The following YLPM1 variants were observed in gnomAD, a reference collection of about 807,000 sequenced individuals.
The protein encoded by YLPM1 is YLP motif-containing protein 1.
YLPM1 carries 99 observed loss-of-function variants against 230.0 expected under a neutral mutation model. The ratio of observed to expected loss-of-function variants is 0.43; its 90% confidence interval spans 0.37 to 0.51. The LOEUF is 0.51. Among genes scored for constraint, YLPM1 ranks in the 20% least tolerant of loss-of-function variants. YLPM1 has a pLI of 0.00. For synonymous variants in YLPM1, 984 were observed against 942.5 expected (o/e 1.04, Z -0.81); for missense variants, 2,592 against 2,707.7 (o/e 0.96, Z 0.95).
chr14:74,819,621 C>T (rs1261499806), intron 16 of YLPM1, among the ~76,000 whole-genome samples: 1 of 152,116 alleles, frequency 6.6e-6, no homozygotes, highest in African/African-American at 2.4e-5. Flanking sequence ...ATTTCTCAAC[C>T]CATTTTTTTC....
chr14:74,820,918 G>A (rs1270240153), intron 16 of YLPM1, 139 bp from the exon 17 acceptor site: 5 of 886,228 alleles, frequency 5.6e-6, no homozygotes, highest in African/African-American at 1.7e-5. Flanking sequence ...AAAATTTAGG[G>A]TGTTAAAAAT....
chr14:74,800,250 GTTAT>G (rs1475113078), intron 5 of YLPM1, among the ~76,000 whole-genome samples: 2 of 152,206 alleles, frequency 1.3e-5, no homozygotes, highest in Non-Finnish European at 2.9e-5. Context: ...CCTTGAGGAT[GTTAT>G]TTGTTTCTAC....
At position 74,764,090 on chromosome 14, in the gene YLPM1, C is replaced by G. The variant is rs1370500444; in HGVS notation, c.601C>G (p.Leu201Val). Reference sequence around the variant, plus strand: ...GCAGTCCCCACCTTCCCAATCCTACCTGGCGCCCACCCCTTCTTACTCATC... The same window carrying G: ...GCAGTCCCCACCTTCCCAATCCTACGTGGCGCCCACCCCTTCTTACTCATC... ...PSQSPPSQSY[L>V]APTPSYSSSS... Residue 201 changes from leucine to valine, a missense_variant, in exon 1 of 21, where the codon CTG becomes GTG. Physicochemically the swap from Leu to Val is conservative, Grantham distance 32. This residue lies in a region of YLPM1 where 1,862 missense variants were observed against 1,819.8 expected (regional missense o/e 1.02). Coordinates refer to ENST00000325680, the MANE Select transcript of YLPM1 (RefSeq NM_019589.3). 4 of 1,613,290 alleles carry G rather than the reference C, an allele frequency of 2.5e-6. No individual in the cohort carries two copies. The highest frequency in any genetic ancestry group is 3.4e-6 in the Non-Finnish European group (4 of 1,179,768).
chr14:74,763,821 C>A lies in YLPM1; in HGVS notation c.332C>A (p.Pro111His), dbSNP rs755872108. 6.6e-7 allele frequency: 1 copy of A among 1,512,328 alleles called. No homozygotes were observed. Among genetic ancestry groups the A allele is most frequent in the Non-Finnish European group, 8.9e-7 (1 of 1,129,750 alleles). The allele number at this position is 1,512,328 out of a possible 1,614,324, so 93.7% of individuals were successfully genotyped here. The change falls in exon 1 of 21, where the codon CCC (proline) becomes CAC (histidine). Residue 111 changes from proline (P) to histidine (H), a missense_variant. By Grantham distance (77) the Pro-to-His change is moderately conservative (BLOSUM62 -2). Around this residue, in one of 4 missense-constraint regions of YLPM1, gnomAD observed 1,862 missense variants for 1,819.8 expected, o/e 1.02. Transcript: ENST00000325680. Reference protein sequence around the residue: ...QPPPPPMPPPPGPALSYQKQQ... With the variant: ...QPPPPPMPPPHGPALSYQKQQ... ...CCACCGCCACCGATGCCCCCGCCAC[C>A]CGGGCCGGCCCTCAGCTATCAGAAG...
intron 6 of YLPM1, among the ~76,000 whole-genome samples, chr14:74,803,159 T>G (rs1169933476): frequency 6.6e-6 from 1 of 152,016 alleles, no homozygotes; most frequent in Non-Finnish European, 1.5e-5. Flanking sequence ...TCGTGATGCT[T>G]CCTACCTCTT....
At chr14:74,781,275 C>T (rs2091088938) in intron 3 of YLPM1, 59 bp from the exon 4 acceptor site, 15 of 1,443,798 alleles carry the variant, frequency 1.0e-5, no homozygotes, top group African/African-American at 1.4e-5. Flanking sequence ...AATATTTTAA[C>T]CTATGATTAA....
chr14:74,804,574 C>A (rs1379846358), intron 6 of YLPM1, among the ~76,000 whole-genome samples: 20 of 152,238 alleles, frequency 1.3e-4, no homozygotes, highest in Non-Finnish European at 4.4e-5. Flanking sequence ...TCCCCTCCTG[C>A]AACTGGCTAA....
At chr14:74,771,362 G>A (rs184635123) in intron 1 of YLPM1, among the ~76,000 whole-genome samples, 66 of 152,294 alleles carry the variant, frequency 4.3e-4, no homozygotes, top group African/African-American at 1.4e-3. Context: ...AAGAACTGAG[G>A]TTAAAGGACA....
At chr14:74,769,771 G>T (rs2140070584) in intron 1 of YLPM1, among the ~76,000 whole-genome samples, 1 of 151,484 alleles carries the variant, frequency 6.6e-6, no homozygotes, top group South Asian at 2.1e-4. Flanking sequence ...GGAGGACTGG[G>T]TGCTCACACC....
rs531606861 is a variant in YLPM1, at chr14:74,802,048, C to G, written c.4401-508C>G. On this transcript the variant is annotated intron_variant, in intron 5 of 20. Transcript: ENST00000325680. ...TGGCCAATATAGTGAAACCCCGTCT[C>G]TACTAAAAAAATACAAATAATTAGC... Among the ~76,000 whole-genome samples, 15 of 151,798 alleles carry G rather than the reference C, an allele frequency of 9.9e-5. No homozygotes were observed. The South Asian group carries it at 3.1e-3, about 32-fold the overall frequency.
intron 2 of YLPM1, 43 bp downstream of exon 2, chr14:74,778,726 CT>C: frequency 6.7e-7 from 1 of 1,487,096 alleles, no homozygotes; most frequent in Non-Finnish European, 9.0e-7. Flanking sequence ...AATTATTTAG[CT>C]TTTTTCTGAT....
chr14:74,767,930 G>A (rs1486033400), intron 1 of YLPM1, among the ~76,000 whole-genome samples: 2 of 151,864 alleles, frequency 1.3e-5, no homozygotes, highest in Admixed American at 6.6e-5. Flanking sequence ...TTGTCCCACT[G>A]TTAGTAATGC....
At position 74,781,583 on chromosome 14, in the gene YLPM1, A is replaced by G; in HGVS notation, c.1540A>G (p.Met514Val). 6.2e-7 allele frequency: 1 copy of G among 1,614,010 alleles called. No homozygotes were observed. Among genetic ancestry groups the G allele is most frequent in the Non-Finnish European group, 8.5e-7 (1 of 1,179,898 alleles). Residue 514 changes from methionine to valine, a missense_variant, in exon 4 of 21, where the codon ATG (methionine) becomes GTG (valine). Coordinates refer to ENST00000325680, the MANE Select transcript of YLPM1 (RefSeq NM_019589.3). ...QNMKNQYMGN[M>V]SMPPPFVPYS... is the part of the protein sequence containing the mutation. ...CATGAAGAACCAGTATATGGGGAAC[A>G]TGTCAATGCCACCTCCTTTTGTTCC...
In YLPM1 at chr14:74,782,113, A is replaced by G. The variant is rs1274723710; in HGVS notation, c.2070A>G (p.Gln690=). Residue 690 remains glutamine (Q), a synonymous_variant, in exon 4 of 21, where the codon CAA becomes CAG. Coordinates refer to ENST00000325680, the MANE Select transcript of YLPM1 (RefSeq NM_019589.3). ...APPTTYHPPL[Q]SAGPSEQVNS... is the part of the protein sequence containing the mutation. ...CGACAACTTACCATCCTCCGTTGCA[A>G]TCAGCTGGTCCATCAGAACAAGTGA... 1.9e-6 allele frequency: 3 copies of G among 1,613,800 alleles called. No homozygotes were observed. Among genetic ancestry groups the G allele is most frequent in the South Asian group, 2.2e-5 (2 of 91,056 alleles).
intron 18 of YLPM1, chr14:74,827,517 T>G (rs1341943736): frequency 2.0e-6 from 2 of 985,464 alleles, no homozygotes; most frequent in Non-Finnish European, 2.4e-6. Flanking sequence ...ATGTTGCAAC[T>G]GTAACTCCTG....
chr14:74,781,699 T>A lies in YLPM1; in HGVS notation c.1656T>A (p.Pro552=). 1 of 1,600,758 alleles carries A rather than the reference T, an allele frequency of 6.2e-7. No homozygotes were observed. The highest frequency in any genetic ancestry group is 8.5e-7 in the Non-Finnish European group (1 of 1,175,944). The change falls in exon 4 of 21, where the codon CCT becomes CCA. Residue 552 remains proline, a synonymous_variant. Coordinates refer to ENST00000325680, the MANE Select transcript of YLPM1 (RefSeq NM_019589.3). The part of the protein sequence containing the change: ...LPPPVMPPAL[P]ATVPPPGMPP... ...CACCAGTGATGCCCCCTGCCCTCCC[T>A]GCTACAGTGCCACCACCTGGCATGC...
Position 74,835,387 on chromosome 14 carries a change from C to T in YLPM1, c.6417C>T (p.Ala2139=). ...AAAGTGGTCACCTGGCTGAAAAAGC[C>T]CTCAATCGAACCAAATATATATGAG... ...TDESGHLAEK[A]LNRTKYI is the part of the protein sequence containing the mutation. The change falls in exon 20 of 21, where the codon GCC becomes GCT. Residue 2139 remains alanine (A), a synonymous_variant. Coordinates refer to ENST00000325680, the MANE Select transcript of YLPM1 (RefSeq NM_019589.3). 6.2e-7 allele frequency: 1 copy of T among 1,613,570 alleles called. No individual in the cohort carries two copies. The highest frequency in any genetic ancestry group is 1.1e-5 in the South Asian group (1 of 91,072).
intron 19 of YLPM1, among the ~76,000 whole-genome samples, chr14:74,831,700 C>G (rs1019880163): frequency 6.6e-6 from 1 of 152,188 alleles, no homozygotes; most frequent in Admixed American, 6.5e-5. Flanking sequence ...TCTTGAACCA[C>G]TCACCAAAAC....
At chr14:74,792,460 C>A (rs190070055) in intron 4 of YLPM1, among the ~76,000 whole-genome samples, 1 of 152,148 alleles carries the variant, frequency 6.6e-6, no homozygotes, top group Admixed American at 6.6e-5. Context: ...GAGAGCTAAT[C>A]CTCTCTCTGT....
Sources: gnomAD v4.1 joint callset for allele counts (sites outside exome capture counted in the v4.1 genomes callset) on GRCh38, gnomAD v4.1.1 for gene constraint, gnomAD v4.1.1 regional missense constraint, MANE v1.5 for transcripts, NCBI Gene and HGNC (gene_info 2026-07-23, HGNC 2026-07-21) for gene names.